The following SRP14 variants were observed in gnomAD, a reference collection of about 807,000 sequenced individuals.
SRP14 encodes the protein signal recognition particle 14 kDa protein.
Under a neutral mutation model 16.0 loss-of-function variants are expected in SRP14, and 1 was observed. The ratio of observed to expected loss-of-function variants is 0.06; its 90% CI spans 0.02 to 0.30. The LOEUF is 0.30. Ranked by LOEUF, SRP14 falls within the 10% of genes least tolerant of loss-of-function variation. The pLI, the probability that SRP14 is intolerant of heterozygous loss-of-function variation, is 1.00. For missense variants in SRP14, 120 were observed against 163.1 expected, an observed-to-expected ratio of 0.74 and a Z score of 1.44; for synonymous variants, 67 against 60.1, an observed-to-expected ratio of 1.12 and a Z score of -0.53.
At position 40,036,418 on chromosome 15, in the gene SRP14, G is replaced by GCTT; in HGVS notation, c.325_326insAAG (p.Ala108_Ala109insGlu). The GCTT allele has an allele frequency of 6.2e-7, 1 of 1,614,182 alleles. No individual in the cohort carries two copies. The highest frequency in any genetic ancestry group is 1.6e-4 in the Middle Eastern group (1 of 6,062). ...AGGTGCTGCTGCTGCTGCTGCTGCT[G>GCTT]CTGCTTTGGTCTTCTTAGTTTTGTT... On this transcript the variant is annotated inframe_insertion, in exon 5 of 5. Coordinates refer to ENST00000267884, the MANE Select transcript of SRP14 (RefSeq NM_003134.6).
chr15:40,036,061 T>C lies in SRP14; in HGVS notation c.*272A>G. On this transcript the variant is annotated 3_prime_UTR_variant, in exon 5 of 5. Transcript: ENST00000267884. ...AGTGCTGATAAACAGACATGTTTAA[T>C]GATAGCTTGCTCTTCACAGAGATGT... The C allele has an allele frequency of 2.0e-6, 1 of 494,620 alleles. No homozygotes were observed. Among genetic ancestry groups the C allele is most frequent in the Non-Finnish European group, 3.5e-6 (1 of 284,696 alleles). 30.6% of individuals were successfully genotyped at this position (494,620 alleles called of 1,614,324 possible). A position where few individuals can be genotyped will look rare whatever the true frequency, so the allele number is the denominator to read the frequency against.
At position 40,039,118 on chromosome 15, in the gene SRP14, G is replaced by A. The variant is rs371523124; in HGVS notation, c.-2C>T. 2.1e-5 allele frequency: 34 copies of A among 1,611,536 alleles called. No homozygotes were observed. Among genetic ancestry groups the A allele is most frequent in the Non-Finnish European group, 2.8e-5 (33 of 1,179,318 alleles). On this transcript the variant is annotated 5_prime_UTR_variant, in exon 1 of 5. Coordinates refer to ENST00000267884, the MANE Select transcript of SRP14 (RefSeq NM_003134.6). The stretch of plus-strand genomic sequence containing the variant: ...CTGCTCGCTCTCCAACAACACCATC[G>A]CGGCGACGCTGGCTCGACTCCCTCC...
In SRP14 at chr15:40,037,279, GAAAA is replaced by G. The variant is rs3215044; in HGVS notation, c.211-265_211-262del. ...TGAAAGGCAGTAGGCTCCTTTTGGGGAAAAAAAAAAAAAAAGCTTTGTTTCTCAC... is the reference window on the plus strand; with the variant it reads ...TGAAAGGCAGTAGGCTCCTTTTGGGGAAAAAAAAAAAGCTTTGTTTCTCAC... On this transcript the variant is annotated intron_variant, in intron 3 of 4. Coordinates refer to ENST00000267884, the MANE Select transcript of SRP14 (RefSeq NM_003134.6). 6.7e-5 allele frequency: 50 copies of G among 749,760 alleles called. 1 individual carries two copies. The highest frequency in any genetic ancestry group is 4.7e-4 in the South Asian group (17 of 36,064). 46.4% of individuals were successfully genotyped at this position (749,760 alleles called of 1,614,324 possible).
At chr15:40,038,556 G>A (rs1275659427) in intron 2 of SRP14, 162 bp from the exon 3 acceptor site, 2 of 619,868 alleles carry the variant, frequency 3.2e-6, no homozygotes, top group Non-Finnish European at 5.7e-6. Context: ...CGAAACCCTG[G>A]AGAAACTATT....
chr15:40,037,035 A>T lies in SRP14; in HGVS notation c.211-17T>A, dbSNP rs753166959. 252 of 1,613,256 alleles carry T rather than the reference A, an allele frequency of 1.6e-4. 1 individual carries two copies. The Admixed American group carries it at 4.1e-3, about 26-fold the overall frequency. ...GGAGCTCACCTGAAAAAGAAGGAAA[A>T]AAGAGGTCATACCTATTATCCATAT... On this transcript the variant is annotated splice_polypyrimidine_tract_variant and intron_variant, in intron 3 of 4. Coordinates refer to ENST00000267884, the MANE Select transcript of SRP14 (RefSeq NM_003134.6).
chr15:40,038,786 G>A, intron 2 of SRP14, 90 bp downstream of exon 2: 3 of 1,396,736 alleles, frequency 2.1e-6, no homozygotes, highest in Middle Eastern at 2.3e-4. Flanking sequence ...AAAGGTAGAG[G>A]AAGGCGGCGG....
chr15:40,037,082 A>C, intron 3 of SRP14, 64 bp from the exon 4 acceptor site: 1 of 1,555,680 alleles, frequency 6.4e-7, no homozygotes, highest in Non-Finnish European at 8.7e-7. Context: ...TCTCCACCCC[A>C]GATAGTATCT....
chr15:40,038,618 G>A (rs1446676968), intron 2 of SRP14: 2 of 607,738 alleles, frequency 3.3e-6, no homozygotes, highest in African/African-American at 1.9e-5. Context: ...TCCACTCAAA[G>A]TGGCGGCGTC....
At chr15:40,039,032 C>A in intron 1 of SRP14, 61 bp downstream of exon 1, 1 of 1,605,422 alleles carries the variant, frequency 6.2e-7, no homozygotes, top group Non-Finnish European at 8.5e-7. Context: ...CTGCAGGAGG[C>A]ACAGGTCTCG....
At chr15:40,037,271 CT>C in intron 3 of SRP14, 1 of 496,074 alleles carries the variant, frequency 2.0e-6, no homozygotes, top group Non-Finnish European at 2.4e-6. Context: ...CAGTAGGCTC[CT>C]TTTGGGGAAA....
At position 40,036,405 on chromosome 15, in the gene SRP14, T is replaced by C; in HGVS notation, c.339A>G (p.Ala113=). 4 of 1,612,302 alleles carry C rather than the reference T, an allele frequency of 2.5e-6. No homozygotes were observed. In the East Asian group the frequency reaches 6.7e-5, roughly 27 times the overall value. The part of the protein sequence containing the change: ...TKKTKAAAAA[A]AAAPAAAATA... Reference sequence around the variant, plus strand: ...TTGCTGCTGCGGCAGGTGCTGCTGCTGCTGCTGCTGCTGCTGCTTTGGTCT... The same window carrying C: ...TTGCTGCTGCGGCAGGTGCTGCTGCCGCTGCTGCTGCTGCTGCTTTGGTCT... Residue 113 remains alanine (A), a synonymous_variant, in exon 5 of 5, where the codon GCA becomes GCG. Coordinates refer to ENST00000267884, the MANE Select transcript of SRP14 (RefSeq NM_003134.6).
chr15:40,039,068 C>T (rs778007021), intron 1 of SRP14, 25 bp downstream of exon 1: 3 of 1,608,628 alleles, frequency 1.9e-6, no homozygotes, highest in Non-Finnish European at 2.5e-6. Flanking sequence ...GCCCCCTTCC[C>T]TCGGCCGGCC....
intron 2 of SRP14, 91 bp downstream of exon 2, chr15:40,038,785 G>A (rs2035672158): frequency 1.4e-6 from 2 of 1,389,840 alleles, no homozygotes; most frequent in Non-Finnish European, 1.0e-6. Flanking sequence ...GAAAGGTAGA[G>A]GAAGGCGGCG....
At chr15:40,036,808 A>G (rs2035630642) in intron 4 of SRP14, 178 bp downstream of exon 4, 5 of 723,244 alleles carry the variant, frequency 6.9e-6, no homozygotes, top group Admixed American at 2.7e-5. Flanking sequence ...ACTTAAAAAA[A>G]CTAGAAAGGA....
rs1454459020 is a variant in SRP14, at chr15:40,036,159, T to C, written c.*174A>G. The C allele has an allele frequency of 8.3e-7, 1 of 1,208,152 alleles. No individual in the cohort carries two copies. Among genetic ancestry groups the C allele is most frequent in the Non-Finnish European group, 1.2e-6 (1 of 863,120 alleles). The allele number at this position is 1,208,152 out of a possible 1,614,324, so 74.8% of individuals were successfully genotyped here. On this transcript the variant is annotated 3_prime_UTR_variant, in exon 5 of 5. Coordinates refer to ENST00000267884, the MANE Select transcript of SRP14 (RefSeq NM_003134.6). ...ACAGACCAATTAGCCAAATGCAAAA[T>C]AAACTAGATTCTTACCACAACTATC...
chr15:40,036,842 A>T, intron 4 of SRP14, 144 bp downstream of exon 4: 1 of 955,402 alleles, frequency 1.0e-6, no homozygotes, highest in Middle Eastern at 2.1e-4. Flanking sequence ...ATTGAAATTC[A>T]CACCCTGGCA....
At position 40,038,960 on chromosome 15, in the gene SRP14, C is replaced by G. The variant is rs1394312727; in HGVS notation, c.25-12G>C. 3.7e-6 allele frequency: 6 copies of G among 1,610,662 alleles called. No individual in the cohort carries two copies. Among genetic ancestry groups the G allele is most frequent in the Non-Finnish European group, 5.1e-6 (6 of 1,178,546 alleles). On this transcript the variant is annotated splice_polypyrimidine_tract_variant and intron_variant, in intron 1 of 4. Transcript: ENST00000267884. The stretch of plus-strand genomic sequence containing the variant: ...AGCTCCGTCAGGAACTGGAAAACAA[C>G]AGGCCCAGCCCCGTTAGCCAGCCCC...
At chr15:40,037,147 A>C in intron 3 of SRP14, 129 bp from the exon 4 acceptor site, 1 of 1,271,062 alleles carries the variant, frequency 7.9e-7, no homozygotes, top group South Asian at 1.6e-5. Flanking sequence ...CCCCAACTTC[A>C]GGGTTCATAA....
intron 4 of SRP14, 89 bp downstream of exon 4, chr15:40,036,897 G>A: frequency 6.8e-7 from 1 of 1,462,158 alleles, no homozygotes; most frequent in Non-Finnish European, 9.6e-7. Context: ...CCGGAGAGCA[G>A]TGAACCCAAG....
Sources: allele counts gnomAD v4.1 joint callset, GRCh38; gene constraint gnomAD v4.1.1; transcripts MANE v1.5; gene names NCBI Gene and HGNC (gene_info 2026-07-23, HGNC 2026-07-21).